COPA: variants seen among roughly 807,000 people sequenced by gnomAD.
COPA encodes the protein coat protein complex I subunit alpha.
Under a neutral mutation model 158.7 loss-of-function variants are expected in COPA, and 10 were observed. The observed-to-expected ratio is 0.06, with a 90% confidence interval of 0.04 to 0.11. The LOEUF is 0.11. Among genes scored for constraint, COPA ranks in the 10% least tolerant of loss-of-function variants. The probability of loss-of-function intolerance (pLI) is 1.00; values close to 1 mark genes in which losing one functional copy is unlikely to be tolerated. For missense variants in COPA, 1,065 were observed against 1,536.7 expected (o/e 0.69, Z 5.13); for synonymous variants, 462 against 542.8 (o/e 0.85, Z 2.07).
intron 17 of COPA, 86 bp downstream of exon 17, chr1:160,305,347 T>C (rs1449814138): frequency 1.2e-5 from 16 of 1,370,398 alleles, no homozygotes; most frequent in Non-Finnish European, 1.5e-5. Context: ...AGAAAATTCA[T>C]GGAGGACTTC....
chr1:160,303,161 T>G (rs905570173), intron 17 of COPA, among the ~76,000 whole-genome samples: 25 of 152,282 alleles, frequency 1.6e-4, no homozygotes, highest in African/African-American at 3.8e-4. Flanking sequence ...ATTACGCCAC[T>G]GTACTCCAGC....
chr1:160,314,313 T>C (rs1303610522), intron 8 of COPA, among the ~76,000 whole-genome samples, 188 bp from the exon 9 acceptor site: 1 of 152,206 alleles, frequency 6.6e-6, no homozygotes, highest in Non-Finnish European at 1.5e-5. Context: ...TCTTTCATTC[T>C]GACCCTCTTA....
At chr1:160,320,484 C>A (rs549189291) in intron 8 of COPA, among the ~76,000 whole-genome samples, 7 of 151,810 alleles carry the variant, frequency 4.6e-5, no homozygotes, top group South Asian at 4.2e-4. Context: ...GTGGCACAGC[C>A]TGTAGTCCCA....
intron 15 of COPA, 88 bp from the exon 16 acceptor site, chr1:160,305,861 T>C (rs776562535): frequency 1.1e-4 from 110 of 1,016,656 alleles, no homozygotes; most frequent in Non-Finnish European, 1.6e-4. Context: ...CTCTAATTAA[T>C]GTAAACCCCA....
chr1:160,305,439 G>A lies in COPA; in HGVS notation c.1661C>T (p.Thr554Ile), dbSNP rs573165317. 6.2e-7 allele frequency: 1 copy of A among 1,614,042 alleles called. No individual in the cohort carries two copies. The change falls in exon 17 of 33, where the codon ACC becomes ATC. Residue 554 changes from threonine to isoleucine, a missense_variant. Coordinates refer to ENST00000241704, the MANE Select transcript of COPA (RefSeq NM_004371.4). ...TCCCAGATAATTAACTTACCCAGTG[G>A]TGACAGCATATTTGATGTGGTTGCT... ...TTSNHIKYAV[T>I]TGDHGIIRTL...
chr1:160,293,578 T>C, intron 25 of COPA, 115 bp from the exon 26 acceptor site: 1 of 767,284 alleles, frequency 1.3e-6, no homozygotes. Context: ...CACTGCAACC[T>C]CTGCCTCCCA....
At chr1:160,306,320 A>G in intron 15 of COPA, 34 bp downstream of exon 15, 1 of 1,553,454 alleles carries the variant, frequency 6.4e-7, no homozygotes, top group Non-Finnish European at 8.7e-7. Context: ...CCCCAACTAC[A>G]GGGCTGTCTG....
chr1:160,322,902 T>C (rs1408078138), intron 8 of COPA, among the ~76,000 whole-genome samples: 1 of 152,158 alleles, frequency 6.6e-6, no homozygotes, highest in African/African-American at 2.4e-5. Context: ...TGTTTGTTTA[T>C]TGCAGCACTA....
chr1:160,291,566 A>G, intron 30 of COPA, 70 bp from the exon 31 acceptor site: 6 of 1,540,314 alleles, frequency 3.9e-6, no homozygotes, highest in Non-Finnish European at 4.4e-6. Flanking sequence ...CTAAGCTGCT[A>G]CACATGCATA....
In COPA at chr1:160,290,617, T is replaced by G. The variant is rs762434301; in HGVS notation, c.3490A>C (p.Asn1164His). 1 of 1,614,158 alleles carries G rather than the reference T, an allele frequency of 6.2e-7. No homozygotes were observed. The change falls in exon 32 of 33, where the codon AAC (asparagine) becomes CAC (histidine). Residue 1164 changes from asparagine (N) to histidine (H), a missense_variant. Asn to His is a moderately conservative substitution (Grantham distance 68, BLOSUM62 1). Coordinates refer to ENST00000241704, the MANE Select transcript of COPA (RefSeq NM_004371.4). ...GATGCAGCACAAATGTCAAAGGGGT[T>G]GTGCATGTCATAATTGAGCTGGTAG... is the stretch of plus-strand genomic sequence containing the variant. ...DAYQLNYDMH[N>H]PFDICAASYR...
At chr1:160,342,396 C>G (rs548907381) in intron 1 of COPA, among the ~76,000 whole-genome samples, 7 of 152,236 alleles carry the variant, frequency 4.6e-5, no homozygotes, top group African/African-American at 1.4e-4. Context: ...ATACTGCGAT[C>G]TCAGTATTTG....
In COPA at chr1:160,333,580, G is replaced by A. The variant is rs766908117; in HGVS notation, c.386+23C>T. On this transcript the variant is annotated intron_variant, in intron 5 of 32. Transcript: ENST00000241704. ...ACTAGGAAAAATGAAGACTCTTTTCGAGCCCTCTGCCTCCTGCTTTACCAA... is the reference window on the plus strand; with the variant it reads ...ACTAGGAAAAATGAAGACTCTTTTCAAGCCCTCTGCCTCCTGCTTTACCAA... 12 of 1,570,994 alleles carry A rather than the reference G, an allele frequency of 7.6e-6. No homozygotes were observed. In the South Asian group the frequency reaches 9.1e-5, roughly 12 times the overall value.
At chr1:160,335,119 G>T in intron 4 of COPA, 123 bp downstream of exon 4, 3 of 762,806 alleles carry the variant, frequency 3.9e-6, no homozygotes, top group Non-Finnish European at 6.2e-6. Flanking sequence ...ATACCACACA[G>T]ATTGTAGAAG....
Position 160,325,564 on chromosome 1 carries a change from T to G in COPA, c.585A>C (p.Ala195=). 3 of 1,614,142 alleles carry G rather than the reference T, an allele frequency of 1.9e-6. No homozygotes were observed. The highest frequency in any genetic ancestry group is 2.5e-6 in the Non-Finnish European group (3 of 1,179,966). Residue 195 remains alanine, a synonymous_variant, in exon 7 of 33, where the codon GCA becomes GCC. Coordinates refer to ENST00000241704, the MANE Select transcript of COPA (RefSeq NM_004371.4). ...GTACCTCTAGTACATGCTTCACCAC[T>G]GCATCTGTAGTTCCAAATAGATCAA... The part of the protein sequence containing the change: ...TGVDLFGTTD[A]VVKHVLEGHD...
At chr1:160,306,085 T>C (rs1658777724) in intron 15 of COPA, among the ~76,000 whole-genome samples, 1 of 152,164 alleles carries the variant, frequency 6.6e-6, no homozygotes, top group Admixed American at 6.6e-5. Flanking sequence ...TTAATCTCTG[T>C]CTCTCTCTCA....
At chr1:160,324,796 TA>T (rs1424471691) in intron 7 of COPA, among the ~76,000 whole-genome samples, 1 of 152,196 alleles carries the variant, frequency 6.6e-6, no homozygotes, top group African/African-American at 2.4e-5. Context: ...GGGTCCTCAA[TA>T]AATTTTAAGA....
intron 3 of COPA, 94 bp downstream of exon 3, chr1:160,339,815 G>T (rs1033226897): frequency 8.7e-7 from 1 of 1,155,518 alleles, no homozygotes; most frequent in Non-Finnish European, 1.3e-6. Flanking sequence ...AGCTCTGTAT[G>T]AATGAAATTT....
At chr1:160,316,805 C>T (rs1465308975) in intron 8 of COPA, among the ~76,000 whole-genome samples, 3 of 151,000 alleles carry the variant, frequency 2.0e-5, no homozygotes, top group South Asian at 2.1e-4. Flanking sequence ...CAAGAGCAAG[C>T]GTAGAAAGCT....
chr1:160,299,791 C>T (rs564942594), intron 17 of COPA, among the ~76,000 whole-genome samples: 2 of 152,034 alleles, frequency 1.3e-5, no homozygotes, highest in South Asian at 4.2e-4. Flanking sequence ...TTAGGAGAAA[C>T]TGAAAATTAA....
Sources: gnomAD v4.1 joint callset for allele counts (sites outside exome capture counted in the v4.1 genomes callset) on GRCh38, gnomAD v4.1.1 for gene constraint, MANE v1.5 for transcripts, NCBI Gene and HGNC (gene_info 2026-07-23, HGNC 2026-07-21) for gene names.